The following ZFPM2 variants were observed in gnomAD, a reference collection of about 807,000 sequenced individuals.
ZFPM2 encodes the protein zinc finger protein ZFPM2.
ZFPM2 carries 20 observed loss-of-function variants against 98.6 expected under a neutral mutation model. The ratio of observed to expected loss-of-function variants is 0.20; its 90% CI spans 0.14 to 0.29. The LOEUF is 0.29. Ranked by LOEUF, ZFPM2 falls within the 10% of genes least tolerant of loss-of-function variation. The pLI is 1.00. For synonymous variants in ZFPM2, 518 were observed against 502.7 expected (o/e 1.03, Z -0.41); for missense variants, 1,310 against 1,388.6 (o/e 0.94, Z 0.90).
chr8:105,466,055 A>G (rs1464103501), intron 3 of ZFPM2, among the ~76,000 whole-genome samples: 3 of 152,008 alleles, frequency 2.0e-5, no homozygotes, highest in African/African-American at 7.2e-5. Flanking sequence ...AGCTGATATT[A>G]AAGACAATGC....
At chr8:105,338,066 A>C (rs543406324) in intron 1 of ZFPM2, among the ~76,000 whole-genome samples, 1 of 151,764 alleles carries the variant, frequency 6.6e-6, no homozygotes, top group Non-Finnish European at 1.5e-5. Flanking sequence ...AATTAAAATG[A>C]TTTATTTACT....
intron 4 of ZFPM2, among the ~76,000 whole-genome samples, chr8:105,588,429 G>T (rs1815772088): frequency 6.6e-6 from 1 of 151,262 alleles, no homozygotes; most frequent in African/African-American, 2.4e-5. Flanking sequence ...AAAAAAAATC[G>T]AAACCACATT....
At chr8:105,473,884 G>A (rs547386946) in intron 3 of ZFPM2, among the ~76,000 whole-genome samples, 1 of 152,252 alleles carries the variant, frequency 6.6e-6, no homozygotes, top group Admixed American at 6.5e-5. Flanking sequence ...ACATACACAT[G>A]TGCAAACACA....
chr8:105,416,795 T>G (rs1354939978), intron 1 of ZFPM2, among the ~76,000 whole-genome samples: 1 of 152,072 alleles, frequency 6.6e-6, no homozygotes, highest in African/African-American at 2.4e-5. Context: ...GTCTAATATT[T>G]TGGTTGACTT....
At position 105,366,260 on chromosome 8, in the gene ZFPM2, T is replaced by A. The variant is rs1369851974; in HGVS notation, c.40+47279T>A. On this transcript the variant is annotated intron_variant, in intron 1 of 7. Transcript: ENST00000407775. Reference sequence around the variant, plus strand: ...GCATTGTCTATGATAGTGAATTACCTCTCTTGGACTTTTCATCTGTACTAG... The same window carrying A: ...GCATTGTCTATGATAGTGAATTACCACTCTTGGACTTTTCATCTGTACTAG... 2.0e-5 allele frequency among the ~76,000 whole-genome samples: 3 copies of A among 152,288 alleles called. No individual in the cohort carries two copies. In the East Asian group the frequency reaches 5.8e-4, roughly 29 times the overall value.
intron 3 of ZFPM2, among the ~76,000 whole-genome samples, chr8:105,489,897 T>A (rs1276828999): frequency 2.0e-5 from 3 of 152,148 alleles, no homozygotes; most frequent in African/African-American, 7.2e-5. Context: ...CAAAGGGGAC[T>A]CACAACTAAT....
At chr8:105,726,803 A>G (rs1426412315) in intron 5 of ZFPM2, among the ~76,000 whole-genome samples, 1 of 151,774 alleles carries the variant, frequency 6.6e-6, no homozygotes, top group African/African-American at 2.4e-5. Flanking sequence ...TCATGATGGA[A>G]GGAGACCGTG....
intron 4 of ZFPM2, among the ~76,000 whole-genome samples, chr8:105,586,848 T>TATA (rs1563731554): frequency 1.1e-3 from 161 of 147,006 alleles, no homozygotes; most frequent in Non-Finnish European, 1.7e-3. Context: ...TATAAATATT[T>TATA]TATATATATA....
chr8:105,485,280 T>C (rs1022795547), intron 3 of ZFPM2, among the ~76,000 whole-genome samples: 2 of 152,016 alleles, frequency 1.3e-5, no homozygotes, highest in African/African-American at 4.8e-5. Context: ...AGGTTACTGG[T>C]TACTGCTTGT....
At chr8:105,456,160 G>A (rs77493007) in intron 3 of ZFPM2, among the ~76,000 whole-genome samples, 1 of 128,388 alleles carries the variant, frequency 7.8e-6, no homozygotes, top group Non-Finnish European at 1.6e-5. Context: ...TTTTTTGTTT[G>A]TTTGTTTGTT....
chr8:105,417,857 A>G (rs1811709371), intron 1 of ZFPM2, among the ~76,000 whole-genome samples: 1 of 152,148 alleles, frequency 6.6e-6, no homozygotes, highest in Non-Finnish European at 1.5e-5. Context: ...TTTCTTCTTA[A>G]CATTTGCTCT....
At chr8:105,534,071 CCTCCCTCCCAT>C in intron 3 of ZFPM2, among the ~76,000 whole-genome samples, 1 of 50,504 alleles carries the variant, frequency 2.0e-5, no homozygotes, top group Non-Finnish European at 3.8e-5. Flanking sequence ...TCCCTTCCTT[CCTCCCTCCCAT>C]CTTCCTCCCT....
intron 1 of ZFPM2, chr8:105,418,746 A>G (rs1811732634): frequency 4.1e-6 from 2 of 488,074 alleles, no homozygotes; most frequent in South Asian, 3.0e-5. Context: ...AATCTTTATT[A>G]AAATCTCAGG....
At chr8:105,433,192 A>C (rs2130152114) in intron 2 of ZFPM2, among the ~76,000 whole-genome samples, 1 of 152,304 alleles carries the variant, frequency 6.6e-6, no homozygotes, top group East Asian at 1.9e-4. Flanking sequence ...TGAGGAATAA[A>C]ATTATCAAGA....
In ZFPM2 at chr8:105,802,646, A is replaced by T; in HGVS notation, c.2564A>T (p.Glu855Val). Reference sequence around the variant, plus strand: ...CCCAAAAGGCTGCTGGACTATCACGAGTGCACTGTGTGCAAGATCAGTTTC... The same window carrying T: ...CCCAAAAGGCTGCTGGACTATCACGTGTGCACTGTGTGCAAGATCAGTTTC... ...TSPKRLLDYH[E>V]CTVCKISFNK... The change falls in exon 8 of 8, where the codon GAG (glutamate) becomes GTG (valine). Residue 855 changes from glutamate (E) to valine (V), a missense_variant. Coordinates refer to ENST00000407775, the MANE Select transcript of ZFPM2 (RefSeq NM_012082.4). The T allele has an allele frequency of 6.2e-7, 1 of 1,611,276 alleles. No individual in the cohort carries two copies. Among genetic ancestry groups the T allele is most frequent in the Non-Finnish European group, 8.5e-7 (1 of 1,178,706 alleles).
At chr8:105,611,976 G>A (rs1816317049) in intron 4 of ZFPM2, among the ~76,000 whole-genome samples, 1 of 152,042 alleles carries the variant, frequency 6.6e-6, no homozygotes, top group Non-Finnish European at 1.5e-5. Context: ...TGAGATTACA[G>A]GCATGAGCCA....
At chr8:105,775,189 G>A (rs896026523) in intron 5 of ZFPM2, among the ~76,000 whole-genome samples, 11 of 151,564 alleles carry the variant, frequency 7.3e-5, no homozygotes, top group Non-Finnish European at 1.3e-4. Context: ...TCAGGATACC[G>A]CAATGGATAT....
chr8:105,614,048 A>G, intron 4 of ZFPM2, among the ~76,000 whole-genome samples: 1 of 152,162 alleles, frequency 6.6e-6, no homozygotes. Context: ...TCCAACAACA[A>G]CAAAAACAAC....
At chr8:105,771,033 G>A (rs1812969659) in intron 5 of ZFPM2, among the ~76,000 whole-genome samples, 1 of 152,130 alleles carries the variant, frequency 6.6e-6, no homozygotes, top group Admixed American at 6.6e-5. Context: ...TTTGGCCTGG[G>A]CCCTGAGTGT....
Sources: gnomAD v4.1 joint callset for allele counts (sites outside exome capture counted in the v4.1 genomes callset) on GRCh38, gnomAD v4.1.1 for gene constraint, MANE v1.5 for transcripts, NCBI Gene and HGNC (gene_info 2026-07-23, HGNC 2026-07-21) for gene names.